The following RABL3 variants were observed in gnomAD, a reference collection of about 807,000 sequenced individuals.
The protein encoded by RABL3 is rab-like protein 3.
In RABL3, 31 loss-of-function variants were observed where a neutral mutation model predicts 31.8. That is an observed-to-expected ratio of 0.97 (90% CI 0.73 to 1.31). The LOEUF is 1.31. RABL3 is among the 40% of genes most tolerant of loss of function. RABL3 has a pLI of 0.00. For missense variants in RABL3, 263 were observed against 279.6 expected (o/e 0.94, Z 0.42); for synonymous variants, 97 against 99.9 (o/e 0.97, Z 0.18).
chr3:120,741,028 C>T (rs1360235253), intron 1 of RABL3, among the ~76,000 whole-genome samples: 1 of 152,098 alleles, frequency 6.6e-6, no homozygotes, highest in African/African-American at 2.4e-5. Flanking sequence ...CTAGTTGCAA[C>T]AGTTTGTAAT....
chr3:120,728,506 A>T (rs1429558191), intron 2 of RABL3, among the ~76,000 whole-genome samples: 1 of 152,156 alleles, frequency 6.6e-6, no homozygotes, highest in Admixed American at 6.6e-5. Context: ...AGAACTTGCT[A>T]TTGGGTCTCC....
intron 6 of RABL3, among the ~76,000 whole-genome samples, chr3:120,691,023 C>CT (rs780397460): frequency 4.7e-5 from 7 of 150,186 alleles, no homozygotes; most frequent in Middle Eastern, 3.4e-3. Flanking sequence ...AAATTGTCTA[C>CT]TTTTTTTTAA....
At chr3:120,734,448 G>C (rs1173279135) in intron 1 of RABL3, among the ~76,000 whole-genome samples, 2 of 152,212 alleles carry the variant, frequency 1.3e-5, no homozygotes, top group Non-Finnish European at 2.9e-5. Flanking sequence ...TTTGGGCTGA[G>C]ACGATGGGGT....
At chr3:120,704,638 G>C (rs1708529090) in intron 4 of RABL3, among the ~76,000 whole-genome samples, 1 of 152,186 alleles carries the variant, frequency 6.6e-6, no homozygotes, top group South Asian at 2.1e-4. Flanking sequence ...TGTCTATGTA[G>C]AGCATCCTAA....
At chr3:120,723,485 G>A (rs1211784406) in intron 2 of RABL3, among the ~76,000 whole-genome samples, 4 of 152,216 alleles carry the variant, frequency 2.6e-5, no homozygotes, top group East Asian at 1.9e-4. Flanking sequence ...GCCTGGCAGA[G>A]ACACAACAAA....
rs1344110316 is a variant in RABL3 at position 120,685,626 on chromosome 3, T to C, written c.*4197A>G. ...CATCTCATGTTTAATTTGGCATATG[T>C]AGCTTTGAGTGGGGAGGAGTGGATC... On this transcript the variant is annotated 3_prime_UTR_variant, in exon 8 of 8. Transcript: ENST00000273375. Among the ~76,000 whole-genome samples, 1 of 152,236 alleles carries C rather than the reference T, an allele frequency of 6.6e-6. No homozygotes were observed. Among genetic ancestry groups the C allele is most frequent in the East Asian group, 1.9e-4 (1 of 5,202 alleles).
chr3:120,725,373 G>A lies in RABL3; in HGVS notation c.138+5323C>T, dbSNP rs542917479. On this transcript the variant is annotated intron_variant, in intron 2 of 7. Coordinates refer to ENST00000273375, the MANE Select transcript of RABL3 (RefSeq NM_173825.5). ...GGAACTGTAAACTAGTTCAACCATT[G>A]TGGAAGTCAGTGTGGTGATTCCTCA... Among the ~76,000 whole-genome samples the A allele has an allele frequency of 3.3e-5, 5 of 152,320 alleles. No individual in the cohort carries two copies. In the South Asian group the frequency reaches 6.2e-4, roughly 19 times the overall value.
At chr3:120,738,130 T>C (rs1708994954) in intron 1 of RABL3, among the ~76,000 whole-genome samples, 1 of 152,358 alleles carries the variant, frequency 6.6e-6, no homozygotes, top group East Asian at 1.9e-4. Flanking sequence ...CACACAGGCC[T>C]CCTTGAGCTG....
intron 6 of RABL3, among the ~76,000 whole-genome samples, chr3:120,692,854 T>C (rs569639119): frequency 6.6e-6 from 1 of 152,226 alleles, no homozygotes; most frequent in African/African-American, 2.4e-5. Flanking sequence ...AACAACATAC[T>C]GTGGGATCTT....
At chr3:120,717,019 T>G (rs542677947) in intron 2 of RABL3, among the ~76,000 whole-genome samples, 1 of 152,122 alleles carries the variant, frequency 6.6e-6, no homozygotes, top group Admixed American at 6.5e-5. Flanking sequence ...TTGGGAGGCC[T>G]AGGTGGGTGG....
intron 2 of RABL3, among the ~76,000 whole-genome samples, chr3:120,721,096 G>A (rs566016409): frequency 1.8e-4 from 28 of 152,288 alleles, no homozygotes; most frequent in South Asian, 4.1e-4. Context: ...AGCTTCATAA[G>A]CGAAGGAGAA....
At chr3:120,693,226 C>T (rs192439195) in intron 6 of RABL3, among the ~76,000 whole-genome samples, 9 of 151,986 alleles carry the variant, frequency 5.9e-5, no homozygotes, top group African/African-American at 2.2e-4. Context: ...TCCTAGTGGC[C>T]TAATATTAAT....
chr3:120,731,725 T>A (rs888398504), intron 1 of RABL3, among the ~76,000 whole-genome samples: 1 of 152,166 alleles, frequency 6.6e-6, no homozygotes, highest in Non-Finnish European at 1.5e-5. Flanking sequence ...TTATTTTTTA[T>A]TATAAAAAGT....
intron 1 of RABL3, among the ~76,000 whole-genome samples, 197 bp from the exon 2 acceptor site, chr3:120,730,984 C>G (rs1301009817): frequency 6.6e-6 from 1 of 152,206 alleles, no homozygotes. Flanking sequence ...ATCAGAATCA[C>G]CCGGAGGGTG....
intron 6 of RABL3, among the ~76,000 whole-genome samples, chr3:120,693,247 G>A (rs1483180762): frequency 6.6e-6 from 1 of 152,140 alleles, no homozygotes; most frequent in African/African-American, 2.4e-5. Context: ...CGAGGAGGGT[G>A]CTGGAGCTTA....
intron 7 of RABL3, 125 bp downstream of exon 7, chr3:120,690,324 A>G: frequency 1.5e-6 from 1 of 680,648 alleles, no homozygotes. Flanking sequence ...ACAGGATAGA[A>G]GGAAATCAGT....
intron 6 of RABL3, among the ~76,000 whole-genome samples, chr3:120,691,019 T>C (rs1708374177): frequency 6.6e-6 from 1 of 152,144 alleles, no homozygotes; most frequent in African/African-American, 2.4e-5. Flanking sequence ...TTGTAAATTG[T>C]CTACTTTTTT....
intron 2 of RABL3, among the ~76,000 whole-genome samples, chr3:120,721,668 A>G (rs1708743618): frequency 6.6e-6 from 1 of 152,246 alleles, no homozygotes; most frequent in African/African-American, 2.4e-5. Flanking sequence ...GAGCACCCAG[A>G]TTCATAAAGC....
chr3:120,706,445 G>A (rs1447931794), intron 3 of RABL3, among the ~76,000 whole-genome samples: 1 of 151,784 alleles, frequency 6.6e-6, no homozygotes, highest in Non-Finnish European at 1.5e-5. Context: ...TATTAATCAA[G>A]AGAATCAAAA....
Sources: allele counts gnomAD v4.1 joint callset (sites outside exome capture counted in the v4.1 genomes callset), GRCh38; gene constraint gnomAD v4.1.1; transcripts MANE v1.5; gene names NCBI Gene and HGNC (gene_info 2026-07-23, HGNC 2026-07-21).